The following RHPN2 variants were observed in gnomAD, a reference collection of about 807,000 sequenced individuals.
The protein encoded by RHPN2 is rhophilin-2.
Under a neutral mutation model 79.0 loss-of-function variants are expected in RHPN2, and 40 were observed. The ratio of observed to expected loss-of-function variants is 0.51; its 90% confidence interval spans 0.39 to 0.66. The LOEUF is 0.66. Among genes scored for constraint, RHPN2 ranks in the 30% least tolerant of loss-of-function variants. The pLI is 0.00. For synonymous variants in RHPN2, 285 were observed against 363.5 expected (o/e 0.78, Z 2.46); for missense variants, 686 against 883.5 (o/e 0.78, Z 2.83).
chr19:32,982,741 CTCCCCT>C (rs1473320425), intron 14 of RHPN2, among the ~76,000 whole-genome samples: 10 of 152,064 alleles, frequency 6.6e-5, no homozygotes, highest in African/African-American at 2.4e-4. Context: ...CACCCTCTGC[CTCCCCT>C]AGGGCCTGTA....
At chr19:33,043,241 C>T (rs927759858) in intron 2 of RHPN2, among the ~76,000 whole-genome samples, 2 of 151,472 alleles carry the variant, frequency 1.3e-5, no homozygotes, top group African/African-American at 4.9e-5. Flanking sequence ...GAAACTCCAT[C>T]TGAAAAAAAA....
intron 1 of RHPN2, among the ~76,000 whole-genome samples, chr19:33,064,103 A>G (rs1972305532): frequency 6.6e-6 from 1 of 152,076 alleles, no homozygotes; most frequent in Non-Finnish European, 1.5e-5. Flanking sequence ...CAGCACTTTG[A>G]GAGACCGGGG....
At chr19:33,060,302 C>T (rs1216074314) in intron 1 of RHPN2, among the ~76,000 whole-genome samples, 2 of 152,046 alleles carry the variant, frequency 1.3e-5, no homozygotes, top group Non-Finnish European at 2.9e-5. Context: ...GGTGCCACCA[C>T]ACCTGGCTAA....
intron 5 of RHPN2, among the ~76,000 whole-genome samples, 159 bp downstream of exon 5, chr19:33,012,488 A>G (rs10403961): frequency 0.3 from 45,711 of 151,850 alleles, 7,517 homozygotes; most frequent in African/African-American, 0.44. Context: ...CTCCTTCTAC[A>G]GTTTTCTTAT....
chr19:32,987,960 C>T (rs752748847), intron 14 of RHPN2, among the ~76,000 whole-genome samples: 3 of 151,974 alleles, frequency 2.0e-5, no homozygotes, highest in Non-Finnish European at 4.4e-5. Flanking sequence ...GTGGGAGGAT[C>T]GCTTAAGGCC....
intron 2 of RHPN2, among the ~76,000 whole-genome samples, chr19:33,031,593 G>A (rs1173565540): frequency 6.6e-6 from 1 of 151,680 alleles, no homozygotes; most frequent in African/African-American, 2.4e-5. Flanking sequence ...TCCCGAGGCT[G>A]GTCTCCAACT....
intron 10 of RHPN2, among the ~76,000 whole-genome samples, chr19:32,998,702 G>A (rs1332568977): frequency 1.2e-4 from 1 of 8,512 alleles, no homozygotes; most frequent in East Asian, 2.1e-3. Context: ...AGATGGGGAG[G>A]AGAGAGAGAG....
At chr19:33,014,932 A>G (rs565340210) in intron 4 of RHPN2, among the ~76,000 whole-genome samples, 4 of 151,928 alleles carry the variant, frequency 2.6e-5, no homozygotes, top group Non-Finnish European at 5.9e-5. Context: ...CTCTACAAAT[A>G]ATAAAAAATT....
At chr19:32,988,564 TC>T (rs1296399752) in intron 14 of RHPN2, among the ~76,000 whole-genome samples, 1 of 152,108 alleles carries the variant, frequency 6.6e-6, no homozygotes, top group Non-Finnish European at 1.5e-5. Flanking sequence ...GCTTCCAAGC[TC>T]CCACCATTGC....
intron 4 of RHPN2, among the ~76,000 whole-genome samples, chr19:33,020,599 G>A (rs182239759): frequency 2.0e-5 from 3 of 151,388 alleles, no homozygotes; most frequent in African/African-American, 4.8e-5. Flanking sequence ...TTCCAGGTTC[G>A]AACGACTCAC....
chr19:33,044,596 T>C (rs572947172), intron 1 of RHPN2, among the ~76,000 whole-genome samples: 1 of 152,258 alleles, frequency 6.6e-6, no homozygotes, highest in African/African-American at 2.4e-5. Context: ...TAATTTATTT[T>C]AGAGACAAGG....
intron 2 of RHPN2, among the ~76,000 whole-genome samples, chr19:33,036,874 C>CG (rs967186036): frequency 6.9e-6 from 1 of 144,156 alleles, no homozygotes; most frequent in East Asian, 2.2e-4. Flanking sequence ...GCCTGAGCCC[C>CG]CCCGCCACCC....
At chr19:33,016,025 G>T (rs1568316812) in intron 4 of RHPN2, among the ~76,000 whole-genome samples, 1 of 151,472 alleles carries the variant, frequency 6.6e-6, no homozygotes, top group Non-Finnish European at 1.5e-5. Context: ...ACTCCAGCCT[G>T]GGCAACATAG....
intron 14 of RHPN2, among the ~76,000 whole-genome samples, chr19:32,988,295 G>A (rs757181529): frequency 3.4e-4 from 51 of 151,894 alleles, no homozygotes; most frequent in Non-Finnish European, 6.6e-4. Context: ...CCATGAGATT[G>A]ATCAAGCCAA....
chr19:33,064,403 C>T (rs1972308362), intron 1 of RHPN2, among the ~76,000 whole-genome samples: 1 of 152,130 alleles, frequency 6.6e-6, no homozygotes, highest in Non-Finnish European at 1.5e-5. Flanking sequence ...TTGCAACGCG[C>T]CCAGAGGCCA....
At chr19:33,028,685 A>T in intron 2 of RHPN2, among the ~76,000 whole-genome samples, 1 of 152,302 alleles carries the variant, frequency 6.6e-6, no homozygotes, top group Middle Eastern at 3.4e-3. Flanking sequence ...TAGTTGGTAC[A>T]TTCATTCAAT....
At chr19:33,061,081 T>C (rs537209580) in intron 1 of RHPN2, among the ~76,000 whole-genome samples, 2 of 152,116 alleles carry the variant, frequency 1.3e-5, no homozygotes, top group African/African-American at 2.4e-5. Flanking sequence ...GCAAGATGCA[T>C]GACCCTGAAC....
intron 1 of RHPN2, among the ~76,000 whole-genome samples, chr19:33,057,123 A>G (rs1351424761): frequency 6.8e-6 from 1 of 147,524 alleles, no homozygotes; most frequent in Non-Finnish European, 1.5e-5. Flanking sequence ...CTGTCTCAAA[A>G]AAAAAAAAAA....
At chr19:33,017,665 G>T (rs1204792924) in intron 4 of RHPN2, among the ~76,000 whole-genome samples, 4 of 133,770 alleles carry the variant, frequency 3.0e-5, no homozygotes, top group Non-Finnish European at 4.6e-5. Context: ...GAGAGTTCAA[G>T]ACCAGCCTGG....
Sources: gnomAD v4.1 joint callset for allele counts (sites outside exome capture counted in the v4.1 genomes callset) on GRCh38, gnomAD v4.1.1 for gene constraint, MANE v1.5 for transcripts, NCBI Gene and HGNC (gene_info 2026-07-23, HGNC 2026-07-21) for gene names.